OSBPL1A: variants seen among roughly 807,000 people sequenced by gnomAD.
The protein encoded by OSBPL1A is oxysterol binding protein like 1A.
OSBPL1A carries 80 observed loss-of-function variants against 137.1 expected under a neutral mutation model. That is an observed-to-expected ratio of 0.58 (90% CI 0.49 to 0.70). OSBPL1A has a LOEUF of 0.70. Ranked by LOEUF, OSBPL1A falls within the 30% of genes least tolerant of loss-of-function variation. The pLI is 0.00. For synonymous variants in OSBPL1A, 365 were observed against 389.7 expected, an observed-to-expected ratio of 0.94 and a Z score of 0.75; for missense variants, 970 against 1,129.4, an observed-to-expected ratio of 0.86 and a Z score of 2.02.
chr18:24,279,955 G>T (rs952216180), intron 15 of OSBPL1A, among the ~76,000 whole-genome samples: 19 of 133,940 alleles, frequency 1.4e-4, no homozygotes, highest in African/African-American at 4.7e-4. Context: ...TTCTCTGGCT[G>T]ATTTTTTTTT....
chr18:24,394,124 G>A (rs1018170364), intron 1 of OSBPL1A, among the ~76,000 whole-genome samples: 4 of 152,080 alleles, frequency 2.6e-5, no homozygotes, highest in African/African-American at 9.7e-5. Flanking sequence ...ACAATTATGT[G>A]TCATCTAATG....
At chr18:24,220,785 G>A (rs192894307) in intron 17 of OSBPL1A, among the ~76,000 whole-genome samples, 80 of 151,806 alleles carry the variant, frequency 5.3e-4, no homozygotes, top group Admixed American at 1.4e-3. Flanking sequence ...CATCTATCCC[G>A]TATCTTTAGG....
chr18:24,240,199 C>A (rs1039140460), intron 15 of OSBPL1A, among the ~76,000 whole-genome samples: 1 of 152,162 alleles, frequency 6.6e-6, no homozygotes, highest in Admixed American at 6.5e-5. Context: ...GCTGGGATTA[C>A]AGGCCTGAGC....
In OSBPL1A at chr18:24,305,905, C is replaced by T. The variant is rs566493616; in HGVS notation, c.1093-2187G>A. 2.0e-5 allele frequency among the ~76,000 whole-genome samples: 3 copies of T among 152,304 alleles called. No individual in the cohort carries two copies. In the South Asian group the frequency reaches 6.2e-4, roughly 32 times the overall value. On this transcript the variant is annotated intron_variant, in intron 13 of 27. Transcript: ENST00000319481. ...AGACATGCCTTTGCTCCTCCTTCAC[C>T]TTCCACCAAGATTGTGAGGCCTCTC...
At position 24,368,612 on chromosome 18, in the gene OSBPL1A, G is replaced by C. The variant is rs1382144723; in HGVS notation, c.122-240C>G. ...CCTCTAAAGGGATAGAGGGAGACAG[G>C]ACGGGGGTTACATTCGAGCTAGATG... is the stretch of plus-strand genomic sequence containing the variant. On this transcript the variant is annotated intron_variant, in intron 2 of 27. Coordinates refer to ENST00000319481, the MANE Select transcript of OSBPL1A (RefSeq NM_080597.4). The C allele has an allele frequency of 1.1e-5, 4 of 374,876 alleles. No homozygotes were observed. In the Admixed American group the frequency reaches 1.2e-4, roughly 11 times the overall value. 23.2% of individuals were successfully genotyped at this position (374,876 alleles called of 1,614,324 possible).
intron 4 of OSBPL1A, among the ~76,000 whole-genome samples, chr18:24,362,337 C>T (rs950775867): frequency 6.6e-6 from 1 of 152,102 alleles, no homozygotes; most frequent in African/African-American, 2.4e-5. Flanking sequence ...TAGAAATTAA[C>T]CACAACCTTT....
intron 7 of OSBPL1A, among the ~76,000 whole-genome samples, 170 bp downstream of exon 7, chr18:24,332,772 T>C (rs1301563781): frequency 2.0e-5 from 3 of 152,174 alleles, no homozygotes; most frequent in Non-Finnish European, 2.9e-5. Flanking sequence ...GAGGGTAGGA[T>C]CTACCTTTGT....
intron 16 of OSBPL1A, 52 bp downstream of exon 16, chr18:24,239,168 G>A: frequency 6.3e-7 from 1 of 1,591,668 alleles, no homozygotes; most frequent in Non-Finnish European, 8.6e-7. Context: ...TGCTCATTTA[G>A]GTGGTGGACT....
At chr18:24,363,755 C>T (rs529455120) in intron 4 of OSBPL1A, among the ~76,000 whole-genome samples, 19 of 152,204 alleles carry the variant, frequency 1.2e-4, no homozygotes, top group African/African-American at 4.1e-4. Context: ...GATCCTCCAA[C>T]CTCAGCCTCC....
At chr18:24,193,133 C>T (rs7242469) in intron 18 of OSBPL1A, among the ~76,000 whole-genome samples, 85,516 of 151,964 alleles carry the variant, frequency 0.56, 24,378 homozygotes, top group Non-Finnish European at 0.63. Flanking sequence ...GCTTCTAGAA[C>T]TCAGTTTCAC....
At chr18:24,315,812 A>T (rs2090719072) in intron 11 of OSBPL1A, among the ~76,000 whole-genome samples, 1 of 74,108 alleles carries the variant, frequency 1.3e-5, no homozygotes, top group African/African-American at 6.9e-5. Flanking sequence ...TATATTATAT[A>T]ATAAAATATA....
At chr18:24,282,580 C>G (rs867582916) in intron 14 of OSBPL1A, among the ~76,000 whole-genome samples, 27 of 152,192 alleles carry the variant, frequency 1.8e-4, no homozygotes, top group Middle Eastern at 6.8e-3. Context: ...AAAATATTGA[C>G]AAGAGGAAGG....
intron 9 of OSBPL1A, 134 bp downstream of exon 9, chr18:24,318,467 G>T (rs1955329658): frequency 1.2e-5 from 9 of 768,514 alleles, no homozygotes; most frequent in Middle Eastern, 3.9e-4. Context: ...AAAATCAGTG[G>T]TTTACATTAT....
chr18:24,362,115 T>A (rs2091632101), intron 4 of OSBPL1A, among the ~76,000 whole-genome samples: 1 of 152,094 alleles, frequency 6.6e-6, no homozygotes, highest in Non-Finnish European at 1.5e-5. Context: ...TCCTTCCAGC[T>A]GCAAGATGTT....
intron 4 of OSBPL1A, among the ~76,000 whole-genome samples, chr18:24,347,375 G>T (rs556771708): frequency 6.6e-6 from 1 of 151,894 alleles, no homozygotes; most frequent in African/African-American, 2.4e-5. Flanking sequence ...GTAGAGATGG[G>T]GGTTTCACCA....
intron 2 of OSBPL1A, 101 bp downstream of exon 2, chr18:24,377,312 A>C: frequency 2.7e-4 from 367 of 1,340,974 alleles, no homozygotes; most frequent in Non-Finnish European, 3.3e-4. Context: ...CATGAGAGAT[A>C]GAGATTAATT....
intron 14 of OSBPL1A, among the ~76,000 whole-genome samples, chr18:24,303,388 G>A (rs972625064): frequency 9.2e-5 from 14 of 152,020 alleles, no homozygotes; most frequent in African/African-American, 3.1e-4. Flanking sequence ...TTAATTTACA[G>A]GCCAAAAACA....
At chr18:24,168,350 C>T (rs1445972467) in intron 24 of OSBPL1A, among the ~76,000 whole-genome samples, 1 of 152,184 alleles carries the variant, frequency 6.6e-6, no homozygotes, top group Non-Finnish European at 1.5e-5. Flanking sequence ...CTGAGAACAA[C>T]AAAAGGTTAC....
chr18:24,186,603 G>C (rs1243906710), intron 18 of OSBPL1A, among the ~76,000 whole-genome samples: 2 of 151,920 alleles, frequency 1.3e-5, no homozygotes, highest in African/African-American at 2.4e-5. Flanking sequence ...TTCTAATCAA[G>C]GGTAAAATGA....
Sources: gnomAD v4.1 joint callset for allele counts (sites outside exome capture counted in the v4.1 genomes callset) on GRCh38, gnomAD v4.1.1 for gene constraint, MANE v1.5 for transcripts, NCBI Gene and HGNC (gene_info 2026-07-23, HGNC 2026-07-21) for gene names.